The following DRC4 variants were observed in gnomAD, a reference collection of about 807,000 sequenced individuals.
DRC4 encodes the protein dynein regulatory complex subunit 4.
the DRC4 span, among the ~76,000 whole-genome samples, chr16:90,023,592 A>AGCCTGGCAACAC: frequency 7.2e-6 from 1 of 138,070 alleles, no homozygotes. Flanking sequence ...GCCTTCTTGG[A>AGCCTGGCAACAC]GTGGAGGGAT....
the DRC4 span, among the ~76,000 whole-genome samples, chr16:90,028,744 G>C: frequency 2.0e-5 from 3 of 152,122 alleles, no homozygotes; most frequent in Non-Finnish European, 4.4e-5. Flanking sequence ...CCTCATGGAC[G>C]ACTGCCTGTG....
the DRC4 span, among the ~76,000 whole-genome samples, chr16:90,026,358 A>G: frequency 6.6e-6 from 1 of 152,134 alleles, no homozygotes; most frequent in African/African-American, 2.4e-5. Context: ...GCACGACGCC[A>G]TGTGCAGTTC....
chr16:90,042,694 G>A, the DRC4 span, among the ~76,000 whole-genome samples: 1 of 152,198 alleles, frequency 6.6e-6, no homozygotes, highest in Non-Finnish European at 1.5e-5. Context: ...ATAGCCGAGA[G>A]CATCTGGATT....
At chr16:90,029,631 C>T in the DRC4 span, 3 of 230,794 alleles carry the variant, frequency 1.3e-5, no homozygotes, top group Non-Finnish European at 2.7e-5. Context: ...GGCTCAGAAC[C>T]CCTCCTGCTG....
chr16:90,044,579 C>G, the DRC4 span: 4 of 471,238 alleles, frequency 8.5e-6, no homozygotes, highest in East Asian at 2.1e-4. Context: ...TTGTAGGTGC[C>G]TGCCTTCATC....
the DRC4 span, among the ~76,000 whole-genome samples, chr16:90,023,183 AGCCT>A: frequency 2.6e-5 from 4 of 152,080 alleles, no homozygotes; most frequent in African/African-American, 9.7e-5. Context: ...CCGGATGGAG[AGCCT>A]GGGGCACACC....
the DRC4 span, among the ~76,000 whole-genome samples, chr16:90,024,549 G>A: frequency 2.6e-5 from 4 of 152,130 alleles, no homozygotes; most frequent in Non-Finnish European, 4.4e-5. Flanking sequence ...CCTTGCAGCC[G>A]CACAGCTACA....
At chr16:90,036,755 C>G in the DRC4 span, 1 of 726,878 alleles carries the variant, frequency 1.4e-6, no homozygotes, top group South Asian at 1.5e-5. Context: ...TCCTAAATAA[C>G]GTAACCTATC....
chr16:90,030,126 A>C, the DRC4 span, among the ~76,000 whole-genome samples: 1 of 151,636 alleles, frequency 6.6e-6, no homozygotes, highest in Non-Finnish European at 1.5e-5. Context: ...TTTTTAACCT[A>C]TTTGCAGATT....
the DRC4 span, chr16:90,037,627 C>A: frequency 2.0e-6 from 2 of 1,014,564 alleles, no homozygotes; most frequent in Non-Finnish European, 1.5e-6. Context: ...CTTGGTGAGA[C>A]TCAGCTGCTT....
chr16:90,031,734 A>G, the DRC4 span, among the ~76,000 whole-genome samples: 2 of 152,190 alleles, frequency 1.3e-5, no homozygotes, highest in East Asian at 1.9e-4. Context: ...TTTGCAACTC[A>G]GCTCTGCCAC....
the DRC4 span, among the ~76,000 whole-genome samples, chr16:90,023,095 C>T: frequency 6.6e-6 from 1 of 152,192 alleles, no homozygotes; most frequent in African/African-American, 2.4e-5. Context: ...AGGGTTTCAG[C>T]TCACGAGGCT....
the DRC4 span, chr16:90,029,367 G>T: frequency 2.6e-5 from 32 of 1,248,798 alleles, no homozygotes; most frequent in South Asian, 1.4e-4. Flanking sequence ...GTGCCTTGTG[G>T]GCCTAGGAGT....
the DRC4 span, among the ~76,000 whole-genome samples, chr16:90,024,992 T>C: frequency 2.0e-5 from 3 of 151,726 alleles, no homozygotes; most frequent in Non-Finnish European, 4.4e-5. Flanking sequence ...TTTTCTAAAA[T>C]TTCCACATAA....
the DRC4 span, among the ~76,000 whole-genome samples, chr16:90,030,800 C>G: frequency 6.6e-6 from 1 of 152,064 alleles, no homozygotes; most frequent in Non-Finnish European, 1.5e-5. Flanking sequence ...AAAGTTTTTG[C>G]AGAGATGGGG....
chr16:90,032,629 G>T, the DRC4 span: 4 of 1,186,522 alleles, frequency 3.4e-6, no homozygotes, highest in Non-Finnish European at 5.0e-6. Flanking sequence ...TGTGGTACAG[G>T]TGTGCTATGG....
chr16:90,044,223 G>T, the DRC4 span: 1 of 452,568 alleles, frequency 2.2e-6, no homozygotes, highest in Non-Finnish European at 4.4e-6. Context: ...AGTTGGCTCA[G>T]ATGAAAACCT....
the DRC4 span, chr16:90,043,004 C>T: frequency 1.7e-6 from 1 of 591,128 alleles, no homozygotes; most frequent in Non-Finnish European, 2.9e-6. Flanking sequence ...ACAGCCTCTC[C>T]CTGTCGTGCT....
At chr16:90,042,602 G>T in the DRC4 span, 2 of 1,354,350 alleles carry the variant, frequency 1.5e-6, no homozygotes, top group African/African-American at 1.4e-5. Flanking sequence ...AAATGCAGAC[G>T]GTCTCTGAGG....
Sources: gnomAD v4.1 joint callset for allele counts (sites outside exome capture counted in the v4.1 genomes callset) on GRCh38, gnomAD v4.1.1 for gene constraint, MANE v1.5 for transcripts, NCBI Gene and HGNC (gene_info 2026-07-23, HGNC 2026-07-21) for gene names.